The following ADAM18 variants were observed in gnomAD, a reference collection of about 807,000 sequenced individuals.
The protein encoded by ADAM18 is disintegrin and metalloproteinase domain-containing protein 18.
In ADAM18, 117 loss-of-function variants were observed where a neutral mutation model predicts 94.4. The ratio of observed to expected loss-of-function variants is 1.24; its 90% CI spans 1.07 to 1.45. The LOEUF (loss-of-function observed/expected upper bound fraction) is 1.45, where lower values mean the gene tolerates loss of function less well. ADAM18 is among the 40% of genes most tolerant of loss of function. The pLI is 0.00. For missense variants in ADAM18, 936 were observed against 880.0 expected (o/e 1.06, Z -0.81); for synonymous variants, 327 against 291.6 (o/e 1.12, Z -1.24).
chr8:39,711,670 A>T (rs560729368), intron 18 of ADAM18, among the ~76,000 whole-genome samples: 1 of 152,262 alleles, frequency 6.6e-6, no homozygotes, highest in South Asian at 2.1e-4. Flanking sequence ...AAAAAGAAGC[A>T]GTAAACTTGT....
chr8:39,637,283 A>G lies in ADAM18; in HGVS notation c.608A>G (p.Glu203Gly). The change falls in exon 8 of 20, where the codon GAA becomes GGA. Residue 203 changes from glutamate to glycine, a missense_variant. Glu to Gly is a moderately conservative substitution (Grantham distance 98, BLOSUM62 -2). Coordinates refer to ENST00000265707, the MANE Select transcript of ADAM18 (RefSeq NM_014237.3). ...TTTCAGTATGATTATATGGGATCTG[A>G]AATGATGGCTGTAACACAAAAAATT... is the stretch of plus-strand genomic sequence containing the variant. ...EKALYDYMGS[E>G]MMAVTQKIVQ... 6.2e-7 allele frequency: 1 copy of G among 1,606,878 alleles called. No individual in the cohort carries two copies. The highest frequency in any genetic ancestry group is 1.1e-5 in the South Asian group (1 of 89,640).
At chr8:39,720,659 T>C (rs937845314) in intron 18 of ADAM18, among the ~76,000 whole-genome samples, 1 of 151,434 alleles carries the variant, frequency 6.6e-6, no homozygotes, top group African/African-American at 2.4e-5. Context: ...GGTTTACATT[T>C]GTGAGCTTTC....
chr8:39,613,030 T>G (rs1224464003), intron 6 of ADAM18, among the ~76,000 whole-genome samples: 1 of 152,040 alleles, frequency 6.6e-6, no homozygotes, highest in Non-Finnish European at 1.5e-5. Flanking sequence ...AGAACACACC[T>G]GGATGCGTGG....
At chr8:39,715,593 A>C (rs1822545472) in intron 18 of ADAM18, among the ~76,000 whole-genome samples, 1 of 151,992 alleles carries the variant, frequency 6.6e-6, no homozygotes. Flanking sequence ...ATAACTTATT[A>C]GTATGAAAAT....
intron 18 of ADAM18, among the ~76,000 whole-genome samples, chr8:39,711,198 CTT>C (rs1326304728): frequency 1.3e-5 from 2 of 152,242 alleles, no homozygotes; most frequent in East Asian, 3.9e-4. Flanking sequence ...AAAATACAGT[CTT>C]TGCAAAAATA....
intron 2 of ADAM18, among the ~76,000 whole-genome samples, chr8:39,588,899 T>G (rs1818486954): frequency 6.6e-6 from 1 of 152,176 alleles, no homozygotes; most frequent in Admixed American, 6.5e-5. Context: ...TGTTCTGGTT[T>G]AGATATGGTC....
At chr8:39,635,685 C>G (rs1820057408) in intron 7 of ADAM18, among the ~76,000 whole-genome samples, 1 of 152,048 alleles carries the variant, frequency 6.6e-6, no homozygotes, top group African/African-American at 2.4e-5. Flanking sequence ...TTTCTTTTTT[C>G]TACTCCAATC....
chr8:39,591,302 A>G (rs28404611), intron 2 of ADAM18, among the ~76,000 whole-genome samples: 19,811 of 152,150 alleles, frequency 0.13, 1,377 homozygotes, highest in South Asian at 0.26. Context: ...AGATTTCTCT[A>G]TAGTATGCAA....
Position 39,610,112 on chromosome 8 carries a change from C to A in ADAM18, c.345-417C>A, listed in dbSNP as rs185086413. Among the ~76,000 whole-genome samples, 81 of 152,192 alleles carry A rather than the reference C, an allele frequency of 5.3e-4. 2 individuals carry two copies. In the South Asian group the frequency reaches 0.016, roughly 30 times the overall value. Reference sequence around the variant, plus strand: ...CCTGATTTCCAGAATTGAGTCACATCAACTCAGAAACTTGGCATTCTCTGA... The same window carrying A: ...CCTGATTTCCAGAATTGAGTCACATAAACTCAGAAACTTGGCATTCTCTGA... On this transcript the variant is annotated intron_variant, in intron 5 of 19. Coordinates refer to ENST00000265707, the MANE Select transcript of ADAM18 (RefSeq NM_014237.3).
At chr8:39,629,604 C>T (rs1819876026) in intron 7 of ADAM18, among the ~76,000 whole-genome samples, 165 bp downstream of exon 7, 2 of 150,944 alleles carry the variant, frequency 1.3e-5, no homozygotes, top group South Asian at 4.2e-4. Context: ...CTCCCCTCCC[C>T]TCTGTCTTCC....
rs1206294164 is a variant in ADAM18, at chr8:39,610,510, A to C, written c.345-19A>C. The stretch of plus-strand genomic sequence containing the variant: ...GTGAGATTTTTATAACTATTTTCTT[A>C]TGCCTTCTAAATTTTCAGGGGATTT... On this transcript the variant is annotated intron_variant, in intron 5 of 19. Transcript: ENST00000265707. The C allele has an allele frequency of 6.3e-7, 1 of 1,581,646 alleles. No individual in the cohort carries two copies. The highest frequency in any genetic ancestry group is 1.4e-5 in the African/African-American group (1 of 73,790).
rs1821689738 is a variant in ADAM18 at position 39,688,897 on chromosome 8, T to C, written c.1822-3703T>C. ...TGTTAATTTTTTCACTTTTTAGTAA[T>C]AGCCTTTCTGACTGGTATGAGATGG... On this transcript the variant is annotated intron_variant, in intron 16 of 19. Coordinates refer to ENST00000265707, the MANE Select transcript of ADAM18 (RefSeq NM_014237.3). Among the ~76,000 whole-genome samples, 8 of 152,366 alleles carry C rather than the reference T, an allele frequency of 5.3e-5. 1 individual carries two copies. In the South Asian group the frequency reaches 1.7e-3, roughly 32 times the overall value.
intron 8 of ADAM18, 84 bp from the exon 9 acceptor site, chr8:39,637,453 T>C: frequency 1.4e-6 from 2 of 1,407,324 alleles, no homozygotes; most frequent in South Asian, 1.4e-5. Flanking sequence ...CTGAAAATAC[T>C]GGAACATGTT....
At chr8:39,678,288 G>C (rs1821350787) in intron 15 of ADAM18, among the ~76,000 whole-genome samples, 1 of 152,198 alleles carries the variant, frequency 6.6e-6, no homozygotes, top group Admixed American at 6.5e-5. Context: ...TATCAGTATT[G>C]TTCAAAGCAA....
chr8:39,637,874 CAAT>C (rs1216284419), intron 9 of ADAM18, among the ~76,000 whole-genome samples, 171 bp downstream of exon 9: 4 of 151,906 alleles, frequency 2.6e-5, no homozygotes, highest in African/African-American at 9.7e-5. Flanking sequence ...ATAAAAGTAA[CAAT>C]AATCAGTTTT....
At chr8:39,654,678 C>G (rs1470427381) in intron 12 of ADAM18, among the ~76,000 whole-genome samples, 1 of 152,038 alleles carries the variant, frequency 6.6e-6, no homozygotes, top group African/African-American at 2.4e-5. Context: ...GCAAGCGTTT[C>G]CCTTTCTCAG....
At chr8:39,657,475 C>T (rs1820720356) in intron 12 of ADAM18, among the ~76,000 whole-genome samples, 2 of 152,066 alleles carry the variant, frequency 1.3e-5, no homozygotes, top group Non-Finnish European at 2.9e-5. Flanking sequence ...CCATGCCTGG[C>T]TAGTTTTTTC....
intron 2 of ADAM18, among the ~76,000 whole-genome samples, chr8:39,592,519 A>G (rs911679619): frequency 5.3e-5 from 8 of 152,208 alleles, no homozygotes; most frequent in African/African-American, 1.9e-4. Context: ...ATAAAAAAGA[A>G]TGAAATCATG....
At chr8:39,628,406 CTGAT>C (rs1819832985) in intron 6 of ADAM18, among the ~76,000 whole-genome samples, 2 of 140,440 alleles carry the variant, frequency 1.4e-5, no homozygotes, top group South Asian at 4.7e-4. Flanking sequence ...AATTGATAGA[CTGAT>C]AGATCAATAG....
Sources: gnomAD v4.1 joint callset for allele counts (sites outside exome capture counted in the v4.1 genomes callset) on GRCh38, gnomAD v4.1.1 for gene constraint, MANE v1.5 for transcripts, NCBI Gene and HGNC (gene_info 2026-07-23, HGNC 2026-07-21) for gene names.